Variants in UPRT observed in about 807,000 individuals in gnomAD.
UPRT encodes uracil phosphoribosyltransferase homolog, also known as RP11-311P8.3.
UPRT carries 5 observed loss-of-function variants against 22.6 expected under a neutral mutation model. That is an observed-to-expected ratio of 0.22 (90% CI 0.12 to 0.47). UPRT has a LOEUF of 0.47. Ranked by LOEUF, UPRT falls within the 20% of genes least tolerant of loss-of-function variation. UPRT has a pLI of 0.99. For missense variants in UPRT, 181 were observed against 239.9 expected (o/e 0.75, Z 1.62); for synonymous variants, 77 against 87.7 (o/e 0.88, Z 0.68).
intron 4 of UPRT, among the ~76,000 whole-genome samples, chrX:75,234,393 C>A (rs1428909367): frequency 9.0e-6 from 1 of 110,931 alleles, no homozygotes; most frequent in Non-Finnish European, 1.9e-5. Flanking sequence ...AGAAAGTCAA[C>A]AAGGATACCC....
At chrX:75,220,326 C>T (rs1056243961) in intron 4 of UPRT, among the ~76,000 whole-genome samples, 4 of 111,007 alleles carry the variant, frequency 3.6e-5, no homozygotes, top group Non-Finnish European at 7.6e-5. Flanking sequence ...TTGTAGGCAA[C>T]AGATCAATGC....
chrX:75,213,700 C>T (rs1451863792), intron 4 of UPRT, among the ~76,000 whole-genome samples: 2 of 110,799 alleles, frequency 1.8e-5, no homozygotes, highest in African/African-American at 6.5e-5. Context: ...TAAGACAAAG[C>T]AGACTTCAGA....
intron 6 of UPRT, among the ~76,000 whole-genome samples, chrX:75,302,543 A>AT (rs769534587): frequency 1.8e-5 from 2 of 111,087 alleles, no homozygotes; most frequent in South Asian, 3.8e-4. Context: ...TTATTTATAC[A>AT]TTTTTTACAT....
chrX:75,182,972 G>A (rs1337830620), intron 4 of UPRT, among the ~76,000 whole-genome samples: 1 of 110,267 alleles, frequency 9.1e-6, no homozygotes, highest in Non-Finnish European at 1.9e-5. Context: ...AATTTTTGAC[G>A]TGGGCATTTA....
rs941167950 is a variant in UPRT, at chrX:75,274,240, C to G, written c.-15C>G. The G allele has an allele frequency of 4.2e-6, 5 of 1,188,439 alleles. No homozygotes were observed. The highest frequency in any genetic ancestry group is 6.0e-5 in the East Asian group (2 of 33,507). On this transcript the variant is annotated 5_prime_UTR_variant, in exon 1 of 7. Transcript: ENST00000373383. ...TAGTGTTCAGTAGCAGCGGGGATAG[C>G]CCGGGGCCCGGTGTATGGCCACGGA...
At chrX:75,205,994 GGTTA>G (rs1319930896) in intron 4 of UPRT, among the ~76,000 whole-genome samples, 1 of 111,516 alleles carries the variant, frequency 9.0e-6, no homozygotes, top group Non-Finnish European at 1.9e-5. Flanking sequence ...AGGAGAGTTT[GGTTA>G]GTTGTTGTTT....
intron 4 of UPRT, among the ~76,000 whole-genome samples, chrX:75,178,713 T>A (rs2082258436): frequency 9.0e-6 from 1 of 110,645 alleles, no homozygotes; most frequent in Admixed American, 9.6e-5. Context: ...GGGCTCGTGG[T>A]CTCTCTGGGC....
At chrX:75,239,904 G>A (rs1213850011) in intron 4 of UPRT, among the ~76,000 whole-genome samples, 1 of 111,266 alleles carries the variant, frequency 9.0e-6, no homozygotes, top group Non-Finnish European at 1.9e-5. Flanking sequence ...ATCCCTTTAT[G>A]ATTAAAACTC....
chrX:75,218,510 C>A (rs1204072705), intron 4 of UPRT, among the ~76,000 whole-genome samples: 1 of 96,605 alleles, frequency 1.0e-5, no homozygotes, highest in Admixed American at 1.2e-4. Flanking sequence ...ACTGGAAATA[C>A]CATTTGACCC....
intron 4 of UPRT, among the ~76,000 whole-genome samples, chrX:75,234,642 C>T (rs937285367): frequency 9.0e-6 from 1 of 111,475 alleles, no homozygotes; most frequent in Non-Finnish European, 1.9e-5. Context: ...TCACTCAAAA[C>T]CACTCAACTA....
At chrX:75,190,981 A>T (rs2082312959) in intron 4 of UPRT, among the ~76,000 whole-genome samples, 1 of 111,572 alleles carries the variant, frequency 9.0e-6, no homozygotes, top group Non-Finnish European at 1.9e-5. Flanking sequence ...TCAACTTGTG[A>T]AAGTCATTCT....
At chrX:75,230,159 A>G (rs1011995769) in intron 4 of UPRT, among the ~76,000 whole-genome samples, 1 of 111,209 alleles carries the variant, frequency 9.0e-6, no homozygotes, top group Admixed American at 9.5e-5. Context: ...TTTCCTGGTG[A>G]CCTGTATGAC....
chrX:75,257,554 A>T (rs1395331059), intron 4 of UPRT, among the ~76,000 whole-genome samples: 1 of 111,789 alleles, frequency 8.9e-6, no homozygotes, highest in East Asian at 2.8e-4. Flanking sequence ...AAGGGCATCC[A>T]AATCGATAAA....
At chrX:75,296,822 A>G (rs1260702028) in intron 3 of UPRT, among the ~76,000 whole-genome samples, 1 of 111,883 alleles carries the variant, frequency 8.9e-6, no homozygotes, top group Non-Finnish European at 1.9e-5. Flanking sequence ...TAAAAATGAT[A>G]AGAATTGGAG....
intron 4 of UPRT, among the ~76,000 whole-genome samples, chrX:75,171,176 T>C (rs2082226310): frequency 9.0e-6 from 1 of 111,654 alleles, no homozygotes; most frequent in Non-Finnish European, 1.9e-5. Flanking sequence ...TTTTCAGACT[T>C]TTAGATTTCT....
chrX:75,176,086 G>A (rs1247213168), intron 4 of UPRT, among the ~76,000 whole-genome samples: 3 of 111,235 alleles, frequency 2.7e-5, no homozygotes, highest in Admixed American at 9.6e-5. Flanking sequence ...GTAGCCGCTC[G>A]AGGAAGGCAG....
At chrX:75,186,645 G>T (rs1489193994) in intron 4 of UPRT, among the ~76,000 whole-genome samples, 2 of 111,562 alleles carry the variant, frequency 1.8e-5, no homozygotes, top group African/African-American at 6.5e-5. Context: ...CATTATTATT[G>T]TGTGGGAGTC....
intron 1 of UPRT, among the ~76,000 whole-genome samples, chrX:75,288,238 A>G (rs1239270442): frequency 9.0e-6 from 1 of 111,591 alleles, no homozygotes; most frequent in East Asian, 2.8e-4. Context: ...ATTGAATTCT[A>G]CCAGACATAC....
intron 4 of UPRT, 54 bp downstream of exon 4, chrX:75,297,607 T>A (rs1392401496): frequency 8.6e-7 from 1 of 1,158,541 alleles, no homozygotes; most frequent in Non-Finnish European, 1.2e-6. Context: ...AAATGGTTGC[T>A]GTTTTCCAGA....
Sources: gnomAD v4.1 joint callset for allele counts (sites outside exome capture counted in the v4.1 genomes callset) on GRCh38, gnomAD v4.1.1 for gene constraint, MANE v1.5 for transcripts, NCBI Gene and HGNC (gene_info 2026-07-23, HGNC 2026-07-21) for gene names.